Variants in NOL4L observed in about 807,000 individuals in gnomAD.
NOL4L encodes nucleolar protein 4 like.
Under a neutral mutation model 64.5 loss-of-function variants are expected in NOL4L, and 7 were observed. That is an observed-to-expected ratio of 0.11 (90% confidence interval 0.06 to 0.20). NOL4L has a LOEUF of 0.20. Among genes scored for constraint, NOL4L ranks in the 10% least tolerant of loss-of-function variants. The pLI is 1.00. For missense variants in NOL4L, 680 were observed against 967.1 expected (o/e 0.70, Z 3.94); for synonymous variants, 413 against 401.0 (o/e 1.03, Z -0.36).
intron 1 of NOL4L, among the ~76,000 whole-genome samples, chr20:32,573,086 T>A (rs1398090167): frequency 6.6e-6 from 1 of 151,350 alleles, no homozygotes; most frequent in African/African-American, 2.4e-5. Context: ...CCAGGCTGGA[T>A]GGAGTGCAGT....
In NOL4L at chr20:32,447,309, AG is replaced by A. The variant is rs1194273617; in HGVS notation, c.*286del. Reference sequence around the variant, plus strand: ...CGAAGGTGATTCTAAACAGAGCTGCAGCCCCAGCGCCTTGTCAGGGGAGCCC... The same window carrying A: ...CGAAGGTGATTCTAAACAGAGCTGCACCCCAGCGCCTTGTCAGGGGAGCCC... On this transcript the variant is annotated 3_prime_UTR_variant, in exon 11 of 11. Coordinates refer to ENST00000621426, the MANE Select transcript of NOL4L (RefSeq NM_001256798.2). 1.7e-6 allele frequency: 1 copy of A among 598,192 alleles called. No individual in the cohort carries two copies. Among genetic ancestry groups the A allele is most frequent in the Non-Finnish European group, 3.1e-6 (1 of 323,772 alleles). The allele number at this position is 598,192 out of a possible 1,614,324, so 37.1% of individuals were successfully genotyped here.
chr20:32,584,588 C>T lies in NOL4L; in HGVS notation c.303G>A (p.Val101=). ...REPKMGQVVY[V]PVKTGSGADG... is the part of the protein sequence containing the mutation. ...CACTCACCGAGCCCGTCTTGACCGGCACATACACCACTTGGCCCATCTTGG... is the reference window on the plus strand; with the variant it reads ...CACTCACCGAGCCCGTCTTGACCGGTACATACACCACTTGGCCCATCTTGG... Residue 101 remains valine (V), a synonymous_variant, in exon 1 of 11, where the codon GTG becomes GTA. Coordinates refer to ENST00000621426, the MANE Select transcript of NOL4L (RefSeq NM_001256798.2). The T allele has an allele frequency of 6.6e-7, 1 of 1,512,222 alleles. No homozygotes were observed. The highest frequency in any genetic ancestry group is 8.9e-7 in the Non-Finnish European group (1 of 1,125,808). The allele number at this position is 1,512,222 out of a possible 1,614,324, so 93.7% of individuals were successfully genotyped here.
intron 4 of NOL4L, among the ~76,000 whole-genome samples, chr20:32,481,499 G>A (rs542756606): frequency 3.2e-4 from 49 of 152,246 alleles, no homozygotes; most frequent in Non-Finnish European, 6.2e-4. Context: ...GGTAGGGGCC[G>A]CAGGAAAAGT....
chr20:32,487,653 T>A (rs2016148124), intron 4 of NOL4L, among the ~76,000 whole-genome samples: 1 of 152,066 alleles, frequency 6.6e-6, no homozygotes, highest in East Asian at 1.9e-4. Context: ...GCATGCAACA[T>A]CCTGAACATC....
At position 32,453,223 on chromosome 20, in the gene NOL4L, G is replaced by A. The variant is rs560876416; in HGVS notation, c.1497+81C>T. The A allele has an allele frequency of 7.9e-4, 1,202 of 1,530,080 alleles. 1 individual carries two copies. Among genetic ancestry groups the A allele is most frequent in the Non-Finnish European group, 1.0e-3 (1,143 of 1,128,984 alleles). The allele number at this position is 1,530,080 out of a possible 1,614,324, so 94.8% of individuals were successfully genotyped here. The stretch of plus-strand genomic sequence containing the variant: ...GGCTCCTGGGAAGACCCTGGGTGAA[G>A]GGGCCCGGGCATCCTGGGAGTGTGG... On this transcript the variant is annotated intron_variant, in intron 8 of 10. Coordinates refer to ENST00000621426, the MANE Select transcript of NOL4L (RefSeq NM_001256798.2). The surrounding 1 kb of genome is among the most constrained non-coding windows in gnomAD (Gnocchi z 5.6).
Position 32,453,247 on chromosome 20 carries a change from G to A in NOL4L, c.1497+57C>T. On this transcript the variant is annotated intron_variant, in intron 8 of 10. Coordinates refer to ENST00000621426, the MANE Select transcript of NOL4L (RefSeq NM_001256798.2). This position sits in a 1 kb window ranked among gnomAD's most constrained non-coding sequence, Gnocchi z 5.6. ...AGGGGCCCGGGCATCCTGGGAGTGT[G>A]GCAGGAGGTCAGTAGTGGCACCGAG... 1 of 1,573,548 alleles carries A rather than the reference G, an allele frequency of 6.4e-7. No homozygotes were observed. The highest frequency in any genetic ancestry group is 8.7e-7 in the Non-Finnish European group (1 of 1,153,706).
Position 32,446,578 on chromosome 20 carries a change from C to T in NOL4L, c.*1018G>A, listed in dbSNP as rs1306882127. On this transcript the variant is annotated 3_prime_UTR_variant, in exon 11 of 11. Transcript: ENST00000621426. The stretch of plus-strand genomic sequence containing the variant: ...TGAGGGCAAGGGCCCTGCCAACCGG[C>T]TGCCATCTCCCAGCAGTCCGTCCTG... 6.5e-6 allele frequency: 1 copy of T among 152,794 alleles called. No homozygotes were observed. The highest frequency in any genetic ancestry group is 1.5e-5 in the Non-Finnish European group (1 of 68,500). The allele number at this position is 152,794 out of a possible 1,614,324, so 9.5% of individuals were successfully genotyped here. A position where few individuals can be genotyped will look rare whatever the true frequency, so the allele number is the denominator to read the frequency against.
chr20:32,560,909 G>C (rs925587797), intron 1 of NOL4L, among the ~76,000 whole-genome samples: 1 of 152,272 alleles, frequency 6.6e-6, no homozygotes, highest in African/African-American at 2.4e-5. Context: ...GCATTCTCAC[G>C]CAGTGCCTGC....
At chr20:32,484,523 G>A (rs2145502309) in intron 4 of NOL4L, among the ~76,000 whole-genome samples, 1 of 151,872 alleles carries the variant, frequency 6.6e-6, no homozygotes, top group Middle Eastern at 3.4e-3. Flanking sequence ...GAGTGTCCGG[G>A]AGGCGCTCAC....
chr20:32,559,074 G>A lies in NOL4L; in HGVS notation c.321+25496C>T, dbSNP rs60404753. ...TGTAGAAGAGAGCTGTAGTGTGGCC[G>A]CAATGCCCAAGATTCCAGATCACCT... On this transcript the variant is annotated intron_variant, in intron 1 of 10. Coordinates refer to ENST00000621426, the MANE Select transcript of NOL4L (RefSeq NM_001256798.2). Among the ~76,000 whole-genome samples, 250 of 152,300 alleles carry A rather than the reference G, an allele frequency of 1.6e-3. 1 individual carries two copies. Among genetic ancestry groups the A allele is most frequent in the African/African-American group, 5.6e-3 (233 of 41,566 alleles).
At chr20:32,511,482 C>T in intron 3 of NOL4L, 26 bp from the exon 4 acceptor site, 1 of 1,493,360 alleles carries the variant, frequency 6.7e-7, no homozygotes, top group Non-Finnish European at 9.1e-7. Flanking sequence ...AAAGGAAAGC[C>T]CTTTCAGTCT....
At chr20:32,520,959 T>C (rs2145573776) in intron 2 of NOL4L, 37 bp from the exon 3 acceptor site, 1 of 1,438,666 alleles carries the variant, frequency 7.0e-7, no homozygotes, top group Non-Finnish European at 9.5e-7. Flanking sequence ...TATATGGATC[T>C]GTGGGGAGGC....
intron 4 of NOL4L, among the ~76,000 whole-genome samples, chr20:32,495,294 G>A (rs963978905): frequency 1.2e-4 from 18 of 152,240 alleles, no homozygotes; most frequent in Admixed American, 3.3e-4. Context: ...AATGACCATG[G>A]GGCTGGCAGG....
chr20:32,491,363 A>G (rs1178540563), intron 4 of NOL4L, among the ~76,000 whole-genome samples: 1 of 152,214 alleles, frequency 6.6e-6, no homozygotes, highest in African/African-American at 2.4e-5. Context: ...TGAGGTGGAA[A>G]GGTGCCTGGG....
intron 1 of NOL4L, among the ~76,000 whole-genome samples, chr20:32,545,803 G>T (rs751721626): frequency 9.9e-5 from 15 of 152,186 alleles, no homozygotes; most frequent in Non-Finnish European, 2.2e-4. Context: ...TTATTCTAGC[G>T]TGCTGAGTCT....
At chr20:32,513,853 C>T (rs1302330654) in intron 3 of NOL4L, among the ~76,000 whole-genome samples, 2 of 152,136 alleles carry the variant, frequency 1.3e-5, no homozygotes, top group African/African-American at 2.4e-5. Context: ...ACAACAACAA[C>T]AGAAACAAAC....
At chr20:32,534,656 C>G (rs1306738980) in intron 1 of NOL4L, among the ~76,000 whole-genome samples, 2 of 152,008 alleles carry the variant, frequency 1.3e-5, no homozygotes, top group African/African-American at 4.8e-5. Flanking sequence ...AGTTCAAGAC[C>G]AGCCTGGGCA....
chr20:32,475,289 TTTGCTGTGCTTCAAAGATACG>T (rs773712742), intron 4 of NOL4L: 5 of 985,442 alleles, frequency 5.1e-6, no homozygotes, highest in Non-Finnish European at 6.0e-6. Context: ...CTTCCTAACC[TTTGCTGTGCTTCAAAGATACG>T]CTCTTGGGCA....
At chr20:32,469,241 A>G (rs1271003655) in intron 5 of NOL4L, among the ~76,000 whole-genome samples, 2 of 152,354 alleles carry the variant, frequency 1.3e-5, no homozygotes, top group Middle Eastern at 3.4e-3. Context: ...AAAGGCGCCA[A>G]TACTGCCTCA....
Sources: allele counts gnomAD v4.1 joint callset (sites outside exome capture counted in the v4.1 genomes callset), GRCh38; gene constraint gnomAD v4.1.1; non-coding constraint Gnocchi (gnomAD v3.1); transcripts MANE v1.5; gene names NCBI Gene and HGNC (gene_info 2026-07-23, HGNC 2026-07-21).